The following PTPRG variants were observed in gnomAD, a reference collection of about 807,000 sequenced individuals.
The protein encoded by PTPRG is protein tyrosine phosphatase receptor type G, also known as receptor-type tyrosine-protein phosphatase gamma.
PTPRG carries 102 observed loss-of-function variants against 165.3 expected under a neutral mutation model. The observed-to-expected ratio is 0.62, with a 90% CI of 0.53 to 0.73. The LOEUF (loss-of-function observed/expected upper bound fraction) is 0.73. Ranked by LOEUF, PTPRG falls within the 30% of genes least tolerant of loss-of-function variation. PTPRG has a pLI of 0.00. For synonymous variants in PTPRG, 675 were observed against 669.5 expected, an observed-to-expected ratio of 1.01 and a Z score of -0.13; for missense variants, 1,866 against 1,861.4, an observed-to-expected ratio of 1.00 and a Z score of -0.05.
chr3:61,922,928 A>G (rs2039114769), intron 2 of PTPRG, among the ~76,000 whole-genome samples: 1 of 152,222 alleles, frequency 6.6e-6, no homozygotes, highest in African/African-American at 2.4e-5. Context: ...AGCGTAAGCC[A>G]CCATACCCCA....
At chr3:61,895,981 T>A (rs2038345902) in intron 2 of PTPRG, among the ~76,000 whole-genome samples, 1 of 152,222 alleles carries the variant, frequency 6.6e-6, no homozygotes, top group Non-Finnish European at 1.5e-5. Flanking sequence ...GGTAAAACTA[T>A]GGTATATCAC....
At chr3:61,647,036 T>G (rs779927816) in intron 1 of PTPRG, among the ~76,000 whole-genome samples, 18 of 152,208 alleles carry the variant, frequency 1.2e-4, no homozygotes, top group Non-Finnish European at 2.4e-4. Flanking sequence ...TTTCCTAGTT[T>G]GGGGCTATTA....
chr3:61,610,895 C>CTTCTGGGT (rs1701150399), intron 1 of PTPRG, among the ~76,000 whole-genome samples: 1 of 152,020 alleles, frequency 6.6e-6, no homozygotes, highest in Non-Finnish European at 1.5e-5. Flanking sequence ...CACTGTCTAC[C>CTTCTGGGT]TTCTGGGTTC....
chr3:61,902,960 G>T lies in PTPRG; in HGVS notation c.191-86665G>T, dbSNP rs944466777. 2.0e-5 allele frequency among the ~76,000 whole-genome samples: 3 copies of T among 152,240 alleles called. No individual in the cohort carries two copies. The South Asian group carries it at 6.2e-4, about 32-fold the overall frequency. ...ACTCAGCTCTCCTTTCCCACCAGGG[G>T]CTGCTTTACTTGGCCTTGTCTTTGG... On this transcript the variant is annotated intron_variant, in intron 2 of 29. Coordinates refer to ENST00000474889, the MANE Select transcript of PTPRG (RefSeq NM_002841.4).
intron 1 of PTPRG, among the ~76,000 whole-genome samples, chr3:61,629,699 T>C (rs62244388): frequency 1.1e-4 from 17 of 152,100 alleles, no homozygotes; most frequent in South Asian, 6.2e-4. Flanking sequence ...GTAACTGATA[T>C]TGCTTTTGCG....
At chr3:61,878,161 G>A (rs1353291765) in intron 2 of PTPRG, among the ~76,000 whole-genome samples, 1 of 152,190 alleles carries the variant, frequency 6.6e-6, no homozygotes, top group Non-Finnish European at 1.5e-5. Context: ...TTTTATTGAT[G>A]GAGCCTTTTA....
chr3:61,965,648 G>T (rs1358708261), intron 2 of PTPRG, among the ~76,000 whole-genome samples: 1 of 152,140 alleles, frequency 6.6e-6, no homozygotes, highest in African/African-American at 2.4e-5. Flanking sequence ...AGTATTTATT[G>T]TGGTCCAACT....
chr3:62,122,698 C>T (rs922149889), intron 5 of PTPRG, among the ~76,000 whole-genome samples: 2 of 152,102 alleles, frequency 1.3e-5, no homozygotes, highest in Non-Finnish European at 2.9e-5. Context: ...TTTATTTGCT[C>T]CATTTGGGGT....
chr3:61,890,929 C>A (rs955597258), intron 2 of PTPRG, among the ~76,000 whole-genome samples: 6 of 152,136 alleles, frequency 3.9e-5, no homozygotes, highest in Non-Finnish European at 7.3e-5. Context: ...AGTACTTTTG[C>A]CAACTTTGAT....
chr3:62,228,381 A>G lies in PTPRG; in HGVS notation c.2289-2844A>G, dbSNP rs1056655546. On this transcript the variant is annotated intron_variant, in intron 13 of 29. Coordinates refer to ENST00000474889, the MANE Select transcript of PTPRG (RefSeq NM_002841.4). The surrounding 1 kb of genome is among the most constrained non-coding windows in gnomAD (Gnocchi z 4.1). ...TAAAAATACAAAAACAATTAGCCGG[A>G]TGTGGTGGTGGGTGCCTGTAATCCC... Among the ~76,000 whole-genome samples the G allele has an allele frequency of 1.3e-4, 19 of 151,898 alleles. No homozygotes were observed. Among genetic ancestry groups the G allele is most frequent in the African/African-American group, 4.6e-4 (19 of 41,380 alleles).
At chr3:62,277,087 A>C (rs1358997265) in intron 25 of PTPRG, 39 bp downstream of exon 25, 1 of 1,536,524 alleles carries the variant, frequency 6.5e-7, no homozygotes, top group Admixed American at 1.7e-5. Context: ...AGTCAACTAA[A>C]CTGAAAGGTG....
At chr3:61,610,972 C>A (rs1701152380) in intron 1 of PTPRG, among the ~76,000 whole-genome samples, 1 of 152,096 alleles carries the variant, frequency 6.6e-6, no homozygotes, top group South Asian at 2.1e-4. Context: ...ATACCCAGCT[C>A]ATTTTAAAAC....
chr3:61,933,355 A>T (rs1469149373), intron 2 of PTPRG, among the ~76,000 whole-genome samples: 1 of 152,152 alleles, frequency 6.6e-6, no homozygotes, highest in Non-Finnish European at 1.5e-5. Context: ...TATTAATTGT[A>T]CTGGGTACCT....
intron 1 of PTPRG, among the ~76,000 whole-genome samples, chr3:61,698,126 C>A (rs60260918): frequency 6.6e-5 from 10 of 151,998 alleles, no homozygotes; most frequent in African/African-American, 2.4e-4. Flanking sequence ...ATAAAACTTA[C>A]ATTAAATAAA....
chr3:61,698,935 T>C (rs577503963), intron 1 of PTPRG, among the ~76,000 whole-genome samples: 15 of 151,860 alleles, frequency 9.9e-5, no homozygotes, highest in South Asian at 4.2e-4. Flanking sequence ...AACCAAACAC[T>C]GCATGCTCTC....
intron 1 of PTPRG, among the ~76,000 whole-genome samples, chr3:61,681,054 T>TAAAAAAAAAA (rs61198100): frequency 1.8e-4 from 12 of 66,094 alleles, no homozygotes; most frequent in African/African-American, 5.4e-4. Context: ...CTTTATGTTC[T>TAAAAAAAAAA]AAAAAAAAAA....
chr3:61,568,642 G>A (rs1310267761), intron 1 of PTPRG, among the ~76,000 whole-genome samples: 2 of 152,098 alleles, frequency 1.3e-5, no homozygotes, highest in Admixed American at 6.5e-5. Flanking sequence ...TGGCATGGTG[G>A]CTCATGCCTG....
intron 2 of PTPRG, among the ~76,000 whole-genome samples, chr3:61,764,889 G>T (rs2033965774): frequency 6.6e-6 from 1 of 152,200 alleles, no homozygotes; most frequent in South Asian, 2.1e-4. Flanking sequence ...AATTGGAGAT[G>T]GTTGGGTGGC....
chr3:61,613,938 T>A (rs188562041), intron 1 of PTPRG, among the ~76,000 whole-genome samples: 1 of 152,320 alleles, frequency 6.6e-6, no homozygotes, highest in African/African-American at 2.4e-5. Context: ...TGGTTTCACC[T>A]CCCAAATAAA....
Sources: allele counts gnomAD v4.1 joint callset (sites outside exome capture counted in the v4.1 genomes callset), GRCh38; gene constraint gnomAD v4.1.1; non-coding constraint Gnocchi (gnomAD v3.1); transcripts MANE v1.5; gene names NCBI Gene and HGNC (gene_info 2026-07-23, HGNC 2026-07-21).